Variants in LRRCC1 observed in about 807,000 individuals in gnomAD.
LRRCC1 encodes the protein leucine-rich repeat and coiled-coil domain-containing protein 1.
Under a neutral mutation model 126.0 loss-of-function variants are expected in LRRCC1, and 115 were observed. That is an observed-to-expected ratio of 0.91 (90% CI 0.78 to 1.07). LRRCC1 has a LOEUF of 1.07. Ranked by LOEUF, LRRCC1 falls within the 50% of genes least tolerant of loss-of-function variation. The pLI, the probability that LRRCC1 is intolerant of heterozygous loss-of-function variation, is 0.00. For missense variants in LRRCC1, 1,172 were observed against 1,175.7 expected (o/e 1.00, Z 0.05); for synonymous variants, 400 against 393.4 (o/e 1.02, Z -0.20).
At chr8:85,126,294 C>T (rs925006196) in intron 8 of LRRCC1, among the ~76,000 whole-genome samples, 9 of 152,164 alleles carry the variant, frequency 5.9e-5, no homozygotes, top group Non-Finnish European at 1.3e-4. Context: ...CAGTGGCTCA[C>T]ACCTGTAATC....
chr8:85,117,089 G>C (rs993897078), intron 6 of LRRCC1, among the ~76,000 whole-genome samples: 1 of 152,102 alleles, frequency 6.6e-6, no homozygotes, highest in African/African-American at 2.4e-5. Flanking sequence ...TCTTTAATTT[G>C]AAGTGAACAT....
intron 18 of LRRCC1, 75 bp from the exon 19 acceptor site, chr8:85,145,314 C>T: frequency 8.5e-7 from 1 of 1,182,134 alleles, no homozygotes; most frequent in African/African-American, 1.6e-5. Flanking sequence ...AATTTTGGAC[C>T]TTTTCTTTCA....
At chr8:85,115,005 G>T (rs759952689) in intron 4 of LRRCC1, 95 bp from the exon 5 acceptor site, 2 of 887,804 alleles carry the variant, frequency 2.3e-6, no homozygotes, top group Non-Finnish European at 3.4e-6. Flanking sequence ...ACTATTCCGG[G>T]TGATGTATCT....
chr8:85,132,920 G>A (rs1009435856), intron 12 of LRRCC1, among the ~76,000 whole-genome samples: 1 of 152,018 alleles, frequency 6.6e-6, no homozygotes, highest in Non-Finnish European at 1.5e-5. Flanking sequence ...CAGTTTTTCC[G>A]CTATATTGGA....
At chr8:85,123,647 TA>T (rs1809745367) in intron 7 of LRRCC1, 41 bp downstream of exon 7, 1 of 1,381,388 alleles carries the variant, frequency 7.2e-7, no homozygotes. Context: ...ACACAGAAGT[TA>T]ATAATGCTGG....
intron 12 of LRRCC1, among the ~76,000 whole-genome samples, chr8:85,133,881 C>T (rs530115518): frequency 6.6e-6 from 1 of 152,182 alleles, no homozygotes; most frequent in Non-Finnish European, 1.5e-5. Context: ...TAATATGACT[C>T]CTCTCTTCAA....
At chr8:85,120,096 T>C (rs1809423493) in intron 6 of LRRCC1, among the ~76,000 whole-genome samples, 1 of 152,230 alleles carries the variant, frequency 6.6e-6, no homozygotes, top group Non-Finnish European at 1.5e-5. Flanking sequence ...GAGAACATAT[T>C]CTGAATAATT....
chr8:85,127,520 A>G (rs1045546555), intron 9 of LRRCC1, among the ~76,000 whole-genome samples: 1 of 152,170 alleles, frequency 6.6e-6, no homozygotes, highest in Non-Finnish European at 1.5e-5. Flanking sequence ...GACATTTGCT[A>G]ACACACTTTG....
intron 11 of LRRCC1, among the ~76,000 whole-genome samples, chr8:85,130,862 G>A (rs1393202050): frequency 6.6e-6 from 1 of 152,114 alleles, no homozygotes. Context: ...ATAAATGAAC[G>A]GCATGGCTGT....
chr8:85,109,422 T>A, intron 1 of LRRCC1, 173 bp from the exon 2 acceptor site: 1 of 572,756 alleles, frequency 1.7e-6, no homozygotes, highest in Non-Finnish European at 3.1e-6. Context: ...TACTTGGTTG[T>A]GTTGTAAGAA....
chr8:85,110,188 G>T lies in LRRCC1; in HGVS notation c.376+8G>T. ...ACATAGATGATCTTAGTGGTAAGTA[G>T]AAATGCTTATGTTTTCTGTATGCTA... On this transcript the variant is annotated splice_region_variant and intron_variant, in intron 3 of 18. Coordinates refer to ENST00000360375, the MANE Select transcript of LRRCC1 (RefSeq NM_033402.5). The T allele has an allele frequency of 8.2e-7, 1 of 1,217,128 alleles. No individual in the cohort carries two copies. The highest frequency in any genetic ancestry group is 1.1e-6 in the Non-Finnish European group (1 of 879,158). 75.4% of individuals were successfully genotyped at this position (1,217,128 alleles called of 1,614,324 possible).
At chr8:85,143,506 G>A (rs1211968115) in intron 18 of LRRCC1, among the ~76,000 whole-genome samples, 2 of 151,966 alleles carry the variant, frequency 1.3e-5, no homozygotes, top group East Asian at 1.9e-4. Context: ...TGGCATGGTG[G>A]TACACGCCTG....
chr8:85,134,869 T>C lies in LRRCC1; in HGVS notation c.1991T>C (p.Val664Ala). The C allele has an allele frequency of 6.4e-7, 1 of 1,574,488 alleles. No homozygotes were observed. The highest frequency in any genetic ancestry group is 8.5e-7 in the Non-Finnish European group (1 of 1,170,256). ...TAGGTTAAAGATGGTTTTGAAAATG[T>C]TGCAACTGAGTTAGCAAAGAGCAAA... ...FQDVKDGFENVATELAKSKHA... is the reference protein window; with the variant it reads ...FQDVKDGFENAATELAKSKHA... The change falls in exon 13 of 19, where the codon GTT (valine) becomes GCT (alanine). Residue 664 changes from valine to alanine, a missense_variant. Physicochemically the swap from Val to Ala is moderately conservative, Grantham distance 64 (BLOSUM62 0). Coordinates refer to ENST00000360375, the MANE Select transcript of LRRCC1 (RefSeq NM_033402.5).
At chr8:85,118,496 T>C (rs1809284211) in intron 6 of LRRCC1, among the ~76,000 whole-genome samples, 1 of 152,058 alleles carries the variant, frequency 6.6e-6, no homozygotes, top group South Asian at 2.1e-4. Flanking sequence ...CCACTAACAA[T>C]GTATGGCTGT....
At chr8:85,143,752 G>GT (rs1379254166) in intron 18 of LRRCC1, among the ~76,000 whole-genome samples, 2 of 152,148 alleles carry the variant, frequency 1.3e-5, no homozygotes, top group Non-Finnish European at 1.5e-5. Context: ...TAATGTTTAA[G>GT]TATTAACCTT....
intron 6 of LRRCC1, among the ~76,000 whole-genome samples, chr8:85,118,997 T>A (rs1365083616): frequency 6.6e-6 from 1 of 152,170 alleles, no homozygotes; most frequent in African/African-American, 2.4e-5. Context: ...CCTTTTGCAT[T>A]TAGATCTGTA....
chr8:85,108,001 A>C (rs1808397260), intron 1 of LRRCC1, among the ~76,000 whole-genome samples: 1 of 152,210 alleles, frequency 6.6e-6, no homozygotes, highest in Non-Finnish European at 1.5e-5. Context: ...GACTTGTGCA[A>C]AGCATATGAG....
chr8:85,126,687 AGTC>A lies in LRRCC1; in HGVS notation c.1273-1_1274del. ...TCACATAACTTTGTTGTTTTCTTTC[AGTC>A]CCTTGTTGAACAGCTAGACCAAGAG... On this transcript the variant is annotated splice_acceptor_variant and coding_sequence_variant, in exon 9 of 19. Transcript: ENST00000360375. LOFTEE classifies it high-confidence loss of function. 6.2e-7 allele frequency: 1 copy of A among 1,603,618 alleles called. No individual in the cohort carries two copies. The highest frequency in any genetic ancestry group is 1.8e-5 in the Admixed American group (1 of 56,938).
In LRRCC1 at chr8:85,107,259, G is replaced by A. The variant is rs771691536; in HGVS notation, c.-37G>A. 45 of 1,578,080 alleles carry A rather than the reference G, an allele frequency of 2.9e-5. No homozygotes were observed. Among genetic ancestry groups the A allele is most frequent in the Admixed American group, 3.7e-5 (2 of 53,662 alleles). On this transcript the variant is annotated 5_prime_UTR_variant, in exon 1 of 19. Coordinates refer to ENST00000360375, the MANE Select transcript of LRRCC1 (RefSeq NM_033402.5). ...TCCCAAGCTCACGGACCCCTCGCTG[G>A]GTGCCGGTTAAGACCCCGCTCCCCG...
Sources: gnomAD v4.1 joint callset for allele counts (sites outside exome capture counted in the v4.1 genomes callset) on GRCh38, gnomAD v4.1.1 for gene constraint, MANE v1.5 for transcripts, NCBI Gene and HGNC (gene_info 2026-07-23, HGNC 2026-07-21) for gene names.